Variants in REL observed in about 807,000 individuals in gnomAD.
The protein encoded by REL is REL proto-oncogene, NF-kB subunit.
A neutral mutation model predicts 45.9 loss-of-function variants in REL; 15 were observed. That is an observed-to-expected ratio of 0.33 (90% CI 0.22 to 0.50). The LOEUF is 0.50. Among genes scored for constraint, REL ranks in the 20% least tolerant of loss-of-function variants. The pLI, the probability that REL is intolerant of heterozygous loss-of-function variation, is 0.98. For synonymous variants in REL, 239 were observed against 242.1 expected (o/e 0.99, Z 0.12); for missense variants, 601 against 715.2 (o/e 0.84, Z 1.82).
intron 4 of REL, among the ~76,000 whole-genome samples, chr2:60,905,942 C>G (rs1197197400): frequency 6.6e-6 from 1 of 152,176 alleles, no homozygotes; most frequent in Non-Finnish European, 1.5e-5. Flanking sequence ...TCCGTTTTCA[C>G]TCTGCTGATA....
At chr2:60,894,681 A>G (rs962457170) in intron 3 of REL, 136 bp downstream of exon 3, 5 of 576,410 alleles carry the variant, frequency 8.7e-6, no homozygotes, top group African/African-American at 5.8e-5. Context: ...TTACACTTAC[A>G]TTTTTACTAT....
intron 2 of REL, among the ~76,000 whole-genome samples, chr2:60,892,807 G>A (rs958600063): frequency 6.8e-6 from 1 of 147,682 alleles, no homozygotes; most frequent in African/African-American, 2.5e-5. Flanking sequence ...CAGGCTGGAG[G>A]GCAGTGGCGT....
At position 60,922,574 on chromosome 2, in the gene REL, T is replaced by C; in HGVS notation, c.*39T>C. The C allele has an allele frequency of 6.6e-7, 1 of 1,523,080 alleles. No individual in the cohort carries two copies. The highest frequency in any genetic ancestry group is 1.3e-5 in the South Asian group (1 of 78,346). 94.3% of individuals were successfully genotyped at this position (1,523,080 alleles called of 1,614,324 possible). On this transcript the variant is annotated 3_prime_UTR_variant, in exon 10 of 10. Transcript: ENST00000394479. The stretch of plus-strand genomic sequence containing the variant: ...AATCCTTTTAAATCTTGATACCACC[T>C]ATATAGATGCAGCATTTTGTATTTG...
At chr2:60,906,875 GTGTGTA>G (rs1283120973) in intron 4 of REL, among the ~76,000 whole-genome samples, 2 of 143,706 alleles carry the variant, frequency 1.4e-5, no homozygotes, top group African/African-American at 2.6e-5. Flanking sequence ...GTGTGTGCGT[GTGTGTA>G]TGTGTGTGTG....
At chr2:60,887,507 G>T (rs1323338176) in intron 1 of REL, among the ~76,000 whole-genome samples, 11 of 151,908 alleles carry the variant, frequency 7.2e-5, no homozygotes, top group Admixed American at 7.2e-4. Flanking sequence ...CCTTCAAGTA[G>T]CTTGAAGAAA....
At chr2:60,900,459 CTG>C (rs1000402097) in intron 3 of REL, 3 of 151,974 alleles carry the variant, frequency 2.0e-5, no homozygotes, top group African/African-American at 7.3e-5. Context: ...TTGTAAAACA[CTG>C]TATGTTAAAA....
At chr2:60,917,846 G>C (rs1223471427) in intron 5 of REL, among the ~76,000 whole-genome samples, 1 of 151,962 alleles carries the variant, frequency 6.6e-6, no homozygotes, top group African/African-American at 2.4e-5. Context: ...GCCATAGGGA[G>C]ATGTATTGCC....
intron 2 of REL, among the ~76,000 whole-genome samples, chr2:60,892,359 A>G (rs529501825): frequency 6.6e-6 from 1 of 152,320 alleles, no homozygotes; most frequent in South Asian, 2.1e-4. Context: ...ATTAGCATAA[A>G]TTTTAAAAAG....
At chr2:60,907,812 T>C (rs1573333044) in intron 4 of REL, among the ~76,000 whole-genome samples, 3 of 151,584 alleles carry the variant, frequency 2.0e-5, no homozygotes, top group Admixed American at 2.0e-4. Context: ...TGCCTCAGCC[T>C]CCCGAGTAGC....
rs1674347127 is a variant in REL, at chr2:60,929,762, A to T, written c.*7227A>T. 6.6e-6 allele frequency: 1 copy of T among 151,978 alleles called. No homozygotes were observed. The highest frequency in any genetic ancestry group is 2.4e-5 in the African/African-American group (1 of 41,370). 9.4% of individuals were successfully genotyped at this position (151,978 alleles called of 1,614,324 possible). On this transcript the variant is annotated 3_prime_UTR_variant, in exon 10 of 10. Coordinates refer to ENST00000394479, the MANE Select transcript of REL (RefSeq NM_001291746.2). ...TGCAGTGCACCAGCATGGCACATGTATACATATGTAAGTAACCTGCACAAT... is the reference window on the plus strand; with the variant it reads ...TGCAGTGCACCAGCATGGCACATGTTTACATATGTAAGTAACCTGCACAAT...
chr2:60,889,455 AT>A (rs896925163), intron 1 of REL, among the ~76,000 whole-genome samples: 8 of 151,346 alleles, frequency 5.3e-5, no homozygotes, highest in African/African-American at 1.5e-4. Flanking sequence ...AATAGACACC[AT>A]TTTTTTTTAT....
intron 4 of REL, among the ~76,000 whole-genome samples, chr2:60,914,824 C>CTTGTTTTT (rs1673916620): frequency 6.9e-6 from 1 of 145,640 alleles, no homozygotes; most frequent in Non-Finnish European, 1.5e-5. Context: ...ATACCCATAG[C>CTTGTTTTT]TTGTTTTTTT....
chr2:60,885,467 C>A (rs1468993617), intron 1 of REL, among the ~76,000 whole-genome samples: 1 of 152,100 alleles, frequency 6.6e-6, no homozygotes, highest in Non-Finnish European at 1.5e-5. Context: ...GTAACAGAAT[C>A]CCTATTGCCA....
At chr2:60,908,843 G>C (rs1673729633) in intron 4 of REL, among the ~76,000 whole-genome samples, 1 of 152,160 alleles carries the variant, frequency 6.6e-6, no homozygotes, top group Non-Finnish European at 1.5e-5. Context: ...ATACAGTTGA[G>C]TTTGGGAAAA....
intron 4 of REL, among the ~76,000 whole-genome samples, chr2:60,911,658 A>C (rs1273696139): frequency 1.3e-5 from 2 of 152,164 alleles, no homozygotes; most frequent in African/African-American, 4.8e-5. Context: ...AGAATACTTA[A>C]ATAAATGGAG....
In REL at chr2:60,922,706, C is replaced by A. The variant is rs1002282077; in HGVS notation, c.*171C>A. 8.0e-7 allele frequency: 1 copy of A among 1,253,382 alleles called. No individual in the cohort carries two copies. The allele number at this position is 1,253,382 out of a possible 1,614,324, so 77.6% of individuals were successfully genotyped here. On this transcript the variant is annotated 3_prime_UTR_variant, in exon 10 of 10. Transcript: ENST00000394479. ...AAACTTTTTTCAGGGAAGAAGCATA[C>A]AACTTTGGACATAGCGAATACAAAA... is the stretch of plus-strand genomic sequence containing the variant.
intron 4 of REL, among the ~76,000 whole-genome samples, chr2:60,906,914 T>TATATATATA (rs386355018): frequency 1.1e-3 from 97 of 86,184 alleles, no homozygotes; most frequent in East Asian, 6.9e-3. Context: ...TATATATATA[T>TATATATATA]TTTTTTTTTT....
intron 1 of REL, among the ~76,000 whole-genome samples, chr2:60,886,758 TTTTA>T (rs964499320): frequency 1.3e-5 from 2 of 152,172 alleles, no homozygotes; most frequent in African/African-American, 4.8e-5. Flanking sequence ...AATTTTTTTA[TTTTA>T]AAAGCTCATG....
intron 4 of REL, among the ~76,000 whole-genome samples, chr2:60,902,480 T>G (rs1001774709): frequency 6.6e-6 from 1 of 152,070 alleles, no homozygotes; most frequent in East Asian, 1.9e-4. Flanking sequence ...CTCCTTCATT[T>G]TTTTCCACTC....
Sources: gnomAD v4.1 joint callset for allele counts (sites outside exome capture counted in the v4.1 genomes callset) on GRCh38, gnomAD v4.1.1 for gene constraint, MANE v1.5 for transcripts, NCBI Gene and HGNC (gene_info 2026-07-23, HGNC 2026-07-21) for gene names.